FABP6: variants seen among roughly 807,000 people sequenced by gnomAD.
FABP6 encodes the protein fatty acid binding protein 6.
In FABP6, 13 loss-of-function variants were observed where a neutral mutation model predicts 14.9. The ratio of observed to expected loss-of-function variants is 0.87; its 90% CI spans 0.57 to 1.39. The LOEUF (loss-of-function observed/expected upper bound fraction) is 1.39, where lower values mean the gene tolerates loss of function less well. Among genes scored for constraint, FABP6 ranks in the 40% most tolerant of loss-of-function variants. FABP6 has a pLI of 0.00. For missense variants in FABP6, 161 were observed against 167.2 expected, an observed-to-expected ratio of 0.96 and a Z score of 0.20; for synonymous variants, 75 against 63.6, an observed-to-expected ratio of 1.18 and a Z score of -0.85.
chr5:160,215,357 T>C (rs957347443), intron 3 of FABP6, among the ~76,000 whole-genome samples: 6 of 152,032 alleles, frequency 3.9e-5, no homozygotes, highest in Non-Finnish European at 8.8e-5. Context: ...TTACTAAAAA[T>C]ACAAAATTAG....
chr5:160,208,566 C>G (rs956308625), intron 2 of FABP6, among the ~76,000 whole-genome samples: 3 of 152,142 alleles, frequency 2.0e-5, no homozygotes, highest in Admixed American at 2.0e-4. Flanking sequence ...AGACTCTGCC[C>G]TCATTAATGA....
intron 1 of FABP6, among the ~76,000 whole-genome samples, chr5:160,189,935 C>G (rs1759362652): frequency 6.6e-6 from 1 of 152,048 alleles, no homozygotes; most frequent in African/African-American, 2.4e-5. Flanking sequence ...CTGTGTGTGC[C>G]CACTGTGCAA....
rs142509433 is a variant in FABP6, at chr5:160,208,402, C to T, written c.52-5334C>T. On this transcript the variant is annotated intron_variant, in intron 2 of 6. Transcript: ENST00000393980. ...GTTGTGAGCTAAAATCATGCCACTG[C>T]ATTCCAGCCTGGGTGACAGAACAAG... 8.8e-3 allele frequency among the ~76,000 whole-genome samples: 1,333 copies of T among 152,124 alleles called. 12 individuals are homozygous for T. Among genetic ancestry groups the T allele is most frequent in the Non-Finnish European group, 9.2e-3 (623 of 68,004 alleles).
chr5:160,204,098 C>T (rs1759705628), intron 2 of FABP6, among the ~76,000 whole-genome samples: 1 of 150,024 alleles, frequency 6.7e-6, no homozygotes, highest in East Asian at 2.0e-4. Flanking sequence ...GAGACTGTGC[C>T]ACCACACCCC....
In FABP6 at chr5:160,232,380, GC is replaced by G. The variant is rs1419049031; in HGVS notation, c.243+109del. On this transcript the variant is annotated intron_variant, in intron 2 of 3. Transcript: ENST00000402432. Reference sequence around the variant, plus strand: ...AGCTGAGGCTTCTTTCTCCAGTTTGGCCTCCAGCATTAGGAGCTTGAGTTAC... The same window carrying G: ...AGCTGAGGCTTCTTTCTCCAGTTTGGCTCCAGCATTAGGAGCTTGAGTTAC... 17 of 1,226,578 alleles carry G rather than the reference GC, an allele frequency of 1.4e-5. No homozygotes were observed. The African/African-American group carries it at 1.5e-4, about 11-fold the overall frequency. 76.0% of individuals were successfully genotyped at this position (1,226,578 alleles called of 1,614,324 possible).
rs550817622 is a variant in FABP6, at chr5:160,188,006, C to A, written c.-59+552C>A. 6.6e-5 allele frequency among the ~76,000 whole-genome samples: 10 copies of A among 152,216 alleles called. No individual in the cohort carries two copies. In the East Asian group the frequency reaches 1.5e-3, roughly 24 times the overall value. On this transcript the variant is annotated intron_variant, in intron 1 of 6. Coordinates refer to the FABP6 transcript ENST00000393980. The stretch of plus-strand genomic sequence containing the variant: ...ACTTCAGGTGATCCACCCGCCTCGG[C>A]CTCCCAAAGTGTTGAGATTACAGAC...
At chr5:160,223,168 C>A (rs1323828700) in intron 3 of FABP6, among the ~76,000 whole-genome samples, 1 of 152,134 alleles carries the variant, frequency 6.6e-6, no homozygotes, top group East Asian at 1.9e-4. Context: ...CTGTCAGCAC[C>A]ATTTTTCACT....
intron 2 of FABP6, among the ~76,000 whole-genome samples, chr5:160,210,836 C>T (rs895409979): frequency 1.3e-5 from 2 of 152,160 alleles, no homozygotes; most frequent in East Asian, 1.9e-4. Flanking sequence ...AATTACACAC[C>T]GCATTAACAC....
At chr5:160,189,122 T>C (rs1759347496) in intron 1 of FABP6, among the ~76,000 whole-genome samples, 1 of 152,180 alleles carries the variant, frequency 6.6e-6, no homozygotes, top group Admixed American at 6.5e-5. Flanking sequence ...ACTCCGTCAT[T>C]GTAGCCAAGG....
At chr5:160,237,487 C>T (rs541065621) in intron 3 of FABP6, among the ~76,000 whole-genome samples, 2 of 152,184 alleles carry the variant, frequency 1.3e-5, no homozygotes, top group East Asian at 3.9e-4. Context: ...CAGAATCATC[C>T]TGGCACCTCC....
chr5:160,191,090 G>A (rs1289490553), intron 1 of FABP6, among the ~76,000 whole-genome samples: 34 of 127,596 alleles, frequency 2.7e-4, no homozygotes, highest in Admixed American at 3.3e-4. Context: ...ACTCCATCTG[G>A]AAAAAAAAAA....
intron 1 of FABP6, among the ~76,000 whole-genome samples, chr5:160,192,996 A>G (rs1759428406): frequency 6.6e-6 from 1 of 152,242 alleles, no homozygotes; most frequent in Non-Finnish European, 1.5e-5. Flanking sequence ...CTGTAGTCTG[A>G]ACTACTTGGG....
upstream of FABP6, among the ~76,000 whole-genome samples, chr5:160,228,035 AAGG>A (rs1760288638): frequency 6.6e-6 from 1 of 152,072 alleles, no homozygotes; most frequent in Non-Finnish European, 1.5e-5. Flanking sequence ...GATGGAAATG[AAGG>A]AGATTCATGG....
At chr5:160,231,724 G>A (rs34411736) in intron 1 of FABP6, among the ~76,000 whole-genome samples, 24,462 of 152,014 alleles carry the variant, frequency 0.16, 2,514 homozygotes, top group Middle Eastern at 0.24. Flanking sequence ...CCAGAACTTC[G>A]CGAGCTTGGC....
At chr5:160,198,906 C>T in intron 1 of FABP6, 2 of 587,374 alleles carry the variant, frequency 3.4e-6, no homozygotes, top group East Asian at 2.8e-5. Flanking sequence ...GCAGGGACCT[C>T]ACGTGTTTCT....
At chr5:160,218,079 C>T (rs1436157709) in intron 3 of FABP6, among the ~76,000 whole-genome samples, 3 of 152,116 alleles carry the variant, frequency 2.0e-5, no homozygotes, top group Non-Finnish European at 2.9e-5. Context: ...AGGGGGACTA[C>T]GGACACAGGC....
upstream of FABP6, among the ~76,000 whole-genome samples, chr5:160,225,101 T>G (rs1760213993): frequency 1.3e-5 from 2 of 151,604 alleles, no homozygotes; most frequent in Non-Finnish European, 2.9e-5. Flanking sequence ...CAGTTTTTTT[T>G]TTTTGTTTTT....
chr5:160,188,091 G>T (rs780451759), intron 1 of FABP6, among the ~76,000 whole-genome samples: 9 of 152,022 alleles, frequency 5.9e-5, no homozygotes, highest in Non-Finnish European at 8.8e-5. Flanking sequence ...ACAAGAGAGG[G>T]AATCTCCTGA....
upstream of FABP6, among the ~76,000 whole-genome samples, chr5:160,226,515 C>T (rs183935368): frequency 2.0e-4 from 29 of 147,760 alleles, no homozygotes; most frequent in Middle Eastern, 3.5e-3. Flanking sequence ...GAGCCGAGAT[C>T]GCCCCATGAG....
Sources: gnomAD v4.1 joint callset for allele counts (sites outside exome capture counted in the v4.1 genomes callset) on GRCh38, gnomAD v4.1.1 for gene constraint, MANE v1.5 for transcripts, NCBI Gene and HGNC (gene_info 2026-07-23, HGNC 2026-07-21) for gene names.